Variants in EYA1 observed in about 807,000 individuals in gnomAD.
EYA1 encodes protein phosphatase EYA1.
In EYA1, 16 loss-of-function variants were observed where a neutral mutation model predicts 82.0. The observed-to-expected ratio is 0.20, with a 90% CI of 0.13 to 0.30. EYA1 has a LOEUF of 0.30. EYA1 is among the 10% of genes least tolerant of loss of function. EYA1 has a pLI of 1.00. For missense variants in EYA1, 633 were observed against 730.7 expected, an observed-to-expected ratio of 0.87 and a Z score of 1.54; for synonymous variants, 261 against 264.4, an observed-to-expected ratio of 0.99 and a Z score of 0.12.
chr8:71,394,168 T>G (rs965839848), intron 2 of EYA1, among the ~76,000 whole-genome samples: 3 of 152,222 alleles, frequency 2.0e-5, no homozygotes, highest in African/African-American at 7.2e-5. Flanking sequence ...TTTGTTTAAG[T>G]TCTTTGTAGA....
intron 2 of EYA1, among the ~76,000 whole-genome samples, chr8:71,407,758 A>C (rs1414617099): frequency 4.4e-5 from 6 of 136,230 alleles, no homozygotes; most frequent in Non-Finnish European, 8.1e-5. Flanking sequence ...GGTGTACCTG[A>C]AAGTGATGCG....
chr8:71,309,074 T>C (rs60406875), intron 7 of EYA1, among the ~76,000 whole-genome samples: 3,631 of 152,284 alleles, frequency 0.024, 140 homozygotes, highest in African/African-American at 0.083. Flanking sequence ...CCTTAGAAGA[T>C]AGATTTTAAA....
Position 71,199,335 on chromosome 8 carries a change from C to G in EYA1, c.*5G>C, listed in dbSNP as rs781614178. 3 of 1,604,792 alleles carry G rather than the reference C, an allele frequency of 1.9e-6. No individual in the cohort carries two copies. Among genetic ancestry groups the G allele is most frequent in the Non-Finnish European group, 2.6e-6 (3 of 1,173,606 alleles). ...AGCTGTGCGCTGTCAAAGTGCCGAG[C>G]GCTGTTACAGGTACTCCAGTTCCAA... On this transcript the variant is annotated 3_prime_UTR_variant, in exon 18 of 18. Transcript: ENST00000340726.
chr8:71,276,864 C>A (rs1413258414), intron 9 of EYA1, among the ~76,000 whole-genome samples: 3 of 152,174 alleles, frequency 2.0e-5, no homozygotes, highest in African/African-American at 7.2e-5. Context: ...TTAGCCTTTA[C>A]ATGACTCAGT....
intron 2 of EYA1, among the ~76,000 whole-genome samples, chr8:71,472,964 G>A (rs1197863537): frequency 1.3e-5 from 2 of 151,732 alleles, no homozygotes; most frequent in Non-Finnish European, 2.9e-5. Flanking sequence ...GCAATGGTTT[G>A]CAAATATTTT....
chr8:71,339,384 C>T (rs552063457), intron 3 of EYA1, among the ~76,000 whole-genome samples: 1 of 152,164 alleles, frequency 6.6e-6, no homozygotes, highest in African/African-American at 2.4e-5. Flanking sequence ...AGAACAGGTG[C>T]CATACATGCT....
chr8:71,321,558 A>G (rs1822548574), intron 6 of EYA1, among the ~76,000 whole-genome samples, 176 bp downstream of exon 6: 2 of 152,238 alleles, frequency 1.3e-5, no homozygotes, highest in Admixed American at 1.3e-4. Flanking sequence ...ACCTCAAGAT[A>G]AGGAGCTACC....
chr8:71,512,964 A>T (rs959855486), intron 2 of EYA1, among the ~76,000 whole-genome samples: 2 of 152,320 alleles, frequency 1.3e-5, no homozygotes, highest in African/African-American at 4.8e-5. Context: ...CTAACCATAC[A>T]CAAGGTGGAA....
rs369634127 is a variant in EYA1 at position 71,271,612 on chromosome 8, A to T, written c.966+146T>A. On this transcript the variant is annotated intron_variant, in intron 10 of 17. Transcript: ENST00000340726. The stretch of plus-strand genomic sequence containing the variant: ...TAGTTAATAAAGGAGAGAAAATATT[A>T]CTTTATCTATTGTTAATATAAAAAA... 2.6e-5 allele frequency: 23 copies of T among 870,240 alleles called. No individual in the cohort carries two copies. The African/African-American group carries it at 3.7e-4, about 14-fold the overall frequency. 53.9% of individuals were successfully genotyped at this position (870,240 alleles called of 1,614,324 possible).
intron 1 of EYA1, among the ~76,000 whole-genome samples, chr8:71,536,100 G>A (rs1454432788): frequency 6.6e-6 from 1 of 152,208 alleles, no homozygotes; most frequent in Non-Finnish European, 1.5e-5. Context: ...AGAAAGGATG[G>A]TAGGGAGGCA....
chr8:71,280,780 ACT>A (rs750829688), intron 9 of EYA1, among the ~76,000 whole-genome samples: 3 of 152,094 alleles, frequency 2.0e-5, no homozygotes, highest in Admixed American at 6.5e-5. Context: ...ACAGGGTCTC[ACT>A]CTGTCACCTA....
intron 9 of EYA1, among the ~76,000 whole-genome samples, chr8:71,294,458 A>AC (rs1819375762): frequency 9.6e-6 from 1 of 104,124 alleles, no homozygotes; most frequent in Admixed American, 1.2e-4. Flanking sequence ...CTCCGTCTCA[A>AC]AAAACAAACA....
chr8:71,197,922 T>C lies in EYA1; in HGVS notation c.*1418A>G, dbSNP rs796450512. 6.6e-6 allele frequency: 1 copy of C among 152,218 alleles called. No individual in the cohort carries two copies. Among genetic ancestry groups the C allele is most frequent in the African/African-American group, 2.4e-5 (1 of 41,460 alleles). The allele number at this position is 152,218 out of a possible 1,614,324, so 9.4% of individuals were successfully genotyped here. On this transcript the variant is annotated 3_prime_UTR_variant, in exon 18 of 18. Transcript: ENST00000340726. The stretch of plus-strand genomic sequence containing the variant: ...GTGATAATTTTATTATTTCCCCAGA[T>C]TGATGCCTGTCATGTAGTACATAAT...
intron 2 of EYA1, among the ~76,000 whole-genome samples, chr8:71,502,071 G>T (rs1811852704): frequency 6.6e-6 from 1 of 152,176 alleles, no homozygotes; most frequent in Non-Finnish European, 1.5e-5. Context: ...CTTGATAAGT[G>T]TTTGCTAAAT....
chr8:71,408,665 G>A (rs1368290049), intron 2 of EYA1, among the ~76,000 whole-genome samples: 5 of 106,152 alleles, frequency 4.7e-5, no homozygotes, highest in African/African-American at 7.9e-5. Context: ...TTCAACAAGA[G>A]GAGCTAACTA....
chr8:71,230,588 G>A (rs1036430463), intron 12 of EYA1, among the ~76,000 whole-genome samples: 3 of 152,176 alleles, frequency 2.0e-5, no homozygotes, highest in Non-Finnish European at 2.9e-5. Context: ...CCATACATTA[G>A]CAGGAAGCTA....
intron 2 of EYA1, among the ~76,000 whole-genome samples, chr8:71,525,710 AC>A (rs1193839960): frequency 6.6e-6 from 1 of 152,148 alleles, no homozygotes; most frequent in East Asian, 1.9e-4. Context: ...TTTTTAGGTT[AC>A]CTGTTACCTT....
intron 2 of EYA1, among the ~76,000 whole-genome samples, chr8:71,518,858 A>T (rs1259341625): frequency 1.3e-5 from 2 of 152,184 alleles, no homozygotes; most frequent in Non-Finnish European, 2.9e-5. Flanking sequence ...ACTGTAAAAT[A>T]AAAAACCTAA....
chr8:71,224,270 T>C (rs1176657559), intron 12 of EYA1, among the ~76,000 whole-genome samples: 2 of 152,230 alleles, frequency 1.3e-5, no homozygotes, highest in Admixed American at 6.5e-5. Context: ...AAATTTACCA[T>C]GAGAAAACTA....
Sources: gnomAD v4.1 joint callset for allele counts (sites outside exome capture counted in the v4.1 genomes callset) on GRCh38, gnomAD v4.1.1 for gene constraint, MANE v1.5 for transcripts, NCBI Gene and HGNC (gene_info 2026-07-23, HGNC 2026-07-21) for gene names.